The following COG7 variants were observed in gnomAD, a reference collection of about 807,000 sequenced individuals.
COG7 encodes conserved oligomeric Golgi complex subunit 7.
A neutral mutation model predicts 91.5 loss-of-function variants in COG7; 49 were observed. The observed-to-expected ratio is 0.54, with a 90% CI of 0.43 to 0.68. COG7 has a LOEUF of 0.68. COG7 is among the 30% of genes least tolerant of loss of function. COG7 has a pLI of 0.00. For missense variants in COG7, 895 were observed against 961.3 expected (o/e 0.93, Z 0.91); for synonymous variants, 365 against 388.7 (o/e 0.94, Z 0.72).
intron 3 of COG7, among the ~76,000 whole-genome samples, chr16:23,444,438 T>G (rs1261022846): frequency 1.3e-5 from 2 of 151,734 alleles, no homozygotes; most frequent in Admixed American, 1.3e-4. Flanking sequence ...AAGGCTCCCC[T>G]TTCCCCATGT....
chr16:23,425,789 T>C (rs1302082125), intron 6 of COG7, among the ~76,000 whole-genome samples: 1 of 152,230 alleles, frequency 6.6e-6, no homozygotes, highest in African/African-American at 2.4e-5. Context: ...TGGCAAGACT[T>C]GGAACTTGCA....
intron 4 of COG7, among the ~76,000 whole-genome samples, chr16:23,440,239 A>C (rs1371440353): frequency 4.6e-5 from 7 of 152,040 alleles, no homozygotes; most frequent in Non-Finnish European, 1.0e-4. Flanking sequence ...AAATACAAAA[A>C]ATTAGCCAGG....
intron 5 of COG7, 133 bp from the exon 6 acceptor site, chr16:23,433,800 T>C: frequency 5.4e-6 from 5 of 924,278 alleles, no homozygotes; most frequent in Non-Finnish European, 8.4e-6. Context: ...TGAGGTCCAT[T>C]CACTTCAAAG....
intron 3 of COG7, among the ~76,000 whole-genome samples, chr16:23,444,463 C>T (rs1964151251): frequency 6.6e-6 from 1 of 151,548 alleles, no homozygotes; most frequent in African/African-American, 2.4e-5. Context: ...CCCTCTCGTC[C>T]ATTTACCCCC....
chr16:23,452,665 A>G, intron 1 of COG7, 161 bp downstream of exon 1: 1 of 1,429,830 alleles, frequency 7.0e-7, no homozygotes, highest in Non-Finnish European at 9.2e-7. Context: ...CCCAGCTGAG[A>G]CTCCCGCTGA....
intron 10 of COG7, among the ~76,000 whole-genome samples, chr16:23,411,652 G>A (rs906445656): frequency 1.3e-5 from 2 of 152,196 alleles, no homozygotes; most frequent in African/African-American, 2.4e-5. Context: ...GAGCCTGTGA[G>A]GTGAGGTAAT....
At chr16:23,416,479 A>C (rs1381806218) in intron 9 of COG7, 1 of 203,264 alleles carries the variant, frequency 4.9e-6, no homozygotes, top group African/African-American at 2.4e-5. Context: ...GAGCCTCCAC[A>C]GTTCACAGAG....
In COG7 at chr16:23,388,887, C is replaced by T. The variant is rs377377049; in HGVS notation, c.*33G>A. On this transcript the variant is annotated 3_prime_UTR_variant, in exon 17 of 17. Transcript: ENST00000307149. ...GCTGGTGAGTCGCGAAACAGCAGCCCTGGCTCTCTTGGTGGTCCGGTGTGT... is the reference window on the plus strand; with the variant it reads ...GCTGGTGAGTCGCGAAACAGCAGCCTTGGCTCTCTTGGTGGTCCGGTGTGT... 1.2e-6 allele frequency: 2 copies of T among 1,613,798 alleles called. No homozygotes were observed. Among genetic ancestry groups the T allele is most frequent in the Non-Finnish European group, 1.7e-6 (2 of 1,179,900 alleles).
At chr16:23,452,496 G>T (rs1964280327) in intron 1 of COG7, among the ~76,000 whole-genome samples, 1 of 152,168 alleles carries the variant, frequency 6.6e-6, no homozygotes, top group South Asian at 2.1e-4. Flanking sequence ...GAGTGCAGGA[G>T]TTCGAGGCTG....
chr16:23,394,785 G>C (rs1963258199), intron 14 of COG7: 1 of 151,644 alleles, frequency 6.6e-6, no homozygotes, highest in South Asian at 2.1e-4. Flanking sequence ...TCCATTATTA[G>C]TTTGGTGTTC....
At position 23,424,734 on chromosome 16, in the gene COG7, G is replaced by A. The variant is rs1014800691; in HGVS notation, c.1009+15C>T. 2.5e-6 allele frequency: 4 copies of A among 1,613,632 alleles called. No homozygotes were observed. The highest frequency in any genetic ancestry group is 3.4e-6 in the Non-Finnish European group (4 of 1,179,648). On this transcript the variant is annotated intron_variant, in intron 7 of 16. Transcript: ENST00000307149. ...GTAAAGACAAGCTAGAGAACTGGCAGGAAGGAATGTTTACGTAGGTGGGGG... is the reference window on the plus strand; with the variant it reads ...GTAAAGACAAGCTAGAGAACTGGCAAGAAGGAATGTTTACGTAGGTGGGGG...
intron 4 of COG7, among the ~76,000 whole-genome samples, chr16:23,435,054 G>T (rs1204860138): frequency 6.6e-6 from 1 of 152,134 alleles, no homozygotes; most frequent in Non-Finnish European, 1.5e-5. Flanking sequence ...AACATATCTG[G>T]TGGTTTGAGG....
At chr16:23,451,844 C>T (rs761997338) in intron 1 of COG7, among the ~76,000 whole-genome samples, 14 of 151,762 alleles carry the variant, frequency 9.2e-5, no homozygotes, top group Non-Finnish European at 2.1e-4. Flanking sequence ...TATACCTATA[C>T]TATAATACGT....
chr16:23,403,449 T>C (rs986987170), intron 13 of COG7, among the ~76,000 whole-genome samples: 16 of 152,194 alleles, frequency 1.1e-4, no homozygotes, highest in African/African-American at 3.6e-4. Context: ...ATAGGGAAAG[T>C]TAATCAAGCA....
chr16:23,434,783 C>T, intron 4 of COG7, 65 bp from the exon 5 acceptor site: 1 of 1,113,256 alleles, frequency 9.0e-7, no homozygotes, highest in Non-Finnish European at 1.4e-6. Context: ...AGAAAAAACT[C>T]ACCAGGATGA....
rs546117111 is a variant in COG7, at chr16:23,425,962, C to T, written c.811-1015G>A. Among the ~76,000 whole-genome samples the T allele has an allele frequency of 5.9e-5, 9 of 152,192 alleles. No homozygotes were observed. The East Asian group carries it at 1.2e-3, about 20-fold the overall frequency. ...GGTGTGGTGGCTCATGCCTGTAATC[C>T]CAGCACTTTTGGAGGCCTAGGTAGG... On this transcript the variant is annotated intron_variant, in intron 6 of 16. Transcript: ENST00000307149.
chr16:23,431,707 G>A (rs553916764), intron 6 of COG7, among the ~76,000 whole-genome samples: 3 of 151,788 alleles, frequency 2.0e-5, no homozygotes, highest in Admixed American at 6.6e-5. Context: ...TACTCAGGAG[G>A]CTGAGGCAGG....
At chr16:23,401,521 T>C (rs892491084) in intron 13 of COG7, among the ~76,000 whole-genome samples, 1 of 152,248 alleles carries the variant, frequency 6.6e-6, no homozygotes, top group Admixed American at 6.5e-5. Context: ...GTCAGTACCG[T>C]CAGCTTTGAC....
intron 8 of COG7, 77 bp from the exon 9 acceptor site, chr16:23,417,198 T>C: frequency 6.9e-7 from 1 of 1,452,824 alleles, no homozygotes; most frequent in Non-Finnish European, 9.7e-7. Context: ...CCTCCAAGCC[T>C]TCTCATCTGT....
Sources: gnomAD v4.1 joint callset for allele counts (sites outside exome capture counted in the v4.1 genomes callset) on GRCh38, gnomAD v4.1.1 for gene constraint, MANE v1.5 for transcripts, NCBI Gene and HGNC (gene_info 2026-07-23, HGNC 2026-07-21) for gene names.